Variants in DIDO1 observed in about 807,000 individuals in gnomAD.
DIDO1 encodes the protein death-inducer obliterator 1.
A neutral mutation model predicts 99.4 loss-of-function variants in DIDO1; 16 were observed. That is an observed-to-expected ratio of 0.16 (90% confidence interval 0.11 to 0.24). The LOEUF (loss-of-function observed/expected upper bound fraction) is 0.24, where lower values mean the gene tolerates loss of function less well. Ranked by LOEUF, DIDO1 falls within the 10% of genes least tolerant of loss-of-function variation. DIDO1 has a pLI of 1.00. For synonymous variants in DIDO1, 1,366 were observed against 1,239.1 expected, an observed-to-expected ratio of 1.10 and a Z score of -2.15; for missense variants, 2,996 against 3,014.0, an observed-to-expected ratio of 0.99 and a Z score of 0.14.
intron 1 of DIDO1, among the ~76,000 whole-genome samples, chr20:62,921,455 G>C (rs759862400): frequency 3.3e-5 from 5 of 152,094 alleles, no homozygotes; most frequent in Admixed American, 6.6e-5. Flanking sequence ...TACTGCTTTA[G>C]CATTCACTTT....
chr20:62,879,583 G>T lies in DIDO1; in HGVS notation c.6373C>A (p.Arg2125=). 1.2e-6 allele frequency: 2 copies of T among 1,602,720 alleles called. No individual in the cohort carries two copies. Among genetic ancestry groups the T allele is most frequent in the Non-Finnish European group, 1.7e-6 (2 of 1,179,532 alleles). Residue 2125 remains arginine (R), a synonymous_variant, in exon 16 of 16, where the codon CGA becomes AGA. Transcript: ENST00000395343. The surrounding 1 kb of genome is among the most constrained non-coding windows in gnomAD (Gnocchi z 6.3). Reference sequence around the variant, plus strand: ...CGGGGCCGGTCCCAGTCCCGCTCTCGGCTCCAGTTTCGGCCGCGCTCGCGC... The same window carrying T: ...CGGGGCCGGTCCCAGTCCCGCTCTCTGCTCCAGTTTCGGCCGCGCTCGCGC... ...RERERGRNWS[R]ERDWDRPREW... is the part of the protein sequence containing the mutation.
chr20:62,917,758 G>A (rs1380680713), intron 1 of DIDO1, among the ~76,000 whole-genome samples: 3 of 152,234 alleles, frequency 2.0e-5, no homozygotes, highest in Non-Finnish European at 4.4e-5. Context: ...TGGGAAAATT[G>A]GCATATTCTA....
At chr20:62,924,077 G>C (rs2065207762) in intron 1 of DIDO1, among the ~76,000 whole-genome samples, 1 of 152,196 alleles carries the variant, frequency 6.6e-6, no homozygotes, top group African/African-American at 2.4e-5. Flanking sequence ...TTTGTTCTTT[G>C]ACCTCCTCTT....
rs909763097 is a variant in DIDO1, at chr20:62,879,773, G to C, written c.6183C>G (p.Ala2061=). The C allele has an allele frequency of 3.1e-6, 5 of 1,611,452 alleles. No homozygotes were observed. The highest frequency in any genetic ancestry group is 1.7e-5 in the Admixed American group (1 of 60,002). The change falls in exon 16 of 16, where the codon GCC becomes GCG. Residue 2061 remains alanine, a synonymous_variant. Coordinates refer to ENST00000395343, the MANE Select transcript of DIDO1 (RefSeq NM_001193369.2). This position sits in a 1 kb window ranked among gnomAD's most constrained non-coding sequence, Gnocchi z 6.3. The part of the protein sequence containing the change: ...SSSAPGQGPE[A]DGQWASADFR... ...AGTCGGCCGATGCCCACTGTCCGTC[G>C]GCCTCGGGGCCCTGTCCGGGCGCAC...
Position 62,907,335 on chromosome 20 carries a change from T to C in DIDO1, c.1186A>G (p.Lys396Glu), listed in dbSNP as rs768092244. The C allele has an allele frequency of 6.2e-7, 1 of 1,614,160 alleles. No homozygotes were observed. Among genetic ancestry groups the C allele is most frequent in the East Asian group, 2.2e-5 (1 of 44,892 alleles). The change falls in exon 5 of 16, where the codon AAA (lysine) becomes GAA (glutamate). Residue 396 changes from lysine (K) to glutamate (E), a missense_variant. Lys to Glu is a moderately conservative substitution (Grantham distance 56). Coordinates refer to ENST00000395343, the MANE Select transcript of DIDO1 (RefSeq NM_001193369.2). ...TGACAGCACCCGGGGCCAATACATT[T>C]TGAGGCACCAGGCGCCTCTATCACC... ...QPVIEAPGAS[K>E]CIGPGCCHVA...
rs1347077259 is a variant in DIDO1 at position 62,879,444 on chromosome 20, C to T, written c.6512G>A (p.Arg2171His). ...TCGGTTCCTGCTCCGCTCCCGGCTG[C>T]GGTCCCACTCCTTGCCCCGGTCGGC... ...READRGKEWD[R>H]SRERSRNRER... The change falls in exon 16 of 16, where the codon CGC (arginine) becomes CAC (histidine). Residue 2171 changes from arginine (R) to histidine (H), a missense_variant. Physicochemically the swap from Arg to His is conservative, Grantham distance 29 (BLOSUM62 0). Around this residue, in one of 5 missense-constraint regions of DIDO1, gnomAD observed 1,562 missense variants for 1,412.6 expected, o/e 1.11. Coordinates refer to ENST00000395343, the MANE Select transcript of DIDO1 (RefSeq NM_001193369.2). This position sits in a 1 kb window ranked among gnomAD's most constrained non-coding sequence, Gnocchi z 6.3. The T allele has an allele frequency of 8.4e-6, 13 of 1,553,504 alleles. No homozygotes were observed. The Admixed American group carries it at 1.3e-4, about 16-fold the overall frequency.
chr20:62,929,693 G>GTATATATA (rs565069048), upstream of DIDO1, among the ~76,000 whole-genome samples: 567 of 97,868 alleles, frequency 5.8e-3, 84 homozygotes, highest in East Asian at 0.02. Context: ...AAAAGAAAAA[G>GTATATATA]TGTATATATA....
chr20:62,922,221 CACACACACACATATATATAT>C (rs2065167061), intron 1 of DIDO1, among the ~76,000 whole-genome samples: 1 of 88,170 alleles, frequency 1.1e-5, no homozygotes, highest in Non-Finnish European at 2.3e-5. Flanking sequence ...CATATATATA[CACACACACACATATATATAT>C]ATACACACAC....
intron 1 of DIDO1, among the ~76,000 whole-genome samples, chr20:62,923,911 T>C (rs180946490): frequency 2.6e-5 from 4 of 152,334 alleles, no homozygotes; most frequent in Admixed American, 2.6e-4. Context: ...ATGGACATGG[T>C]TACAGAATTC....
Position 62,878,077 on chromosome 20 carries a change from A to G in DIDO1, c.*1156T>C, listed in dbSNP as rs1216440527. ...TTAACTTAAAAAATCTGTGCTATAA[A>G]GTGAAAAATCTGTAGTGACGTACAA... On this transcript the variant is annotated 3_prime_UTR_variant, in exon 16 of 16. Coordinates refer to ENST00000395343, the MANE Select transcript of DIDO1 (RefSeq NM_001193369.2). The G allele has an allele frequency of 6.6e-6, 1 of 152,260 alleles. No individual in the cohort carries two copies. Among genetic ancestry groups the G allele is most frequent in the East Asian group, 1.9e-4 (1 of 5,202 alleles). The allele number at this position is 152,260 out of a possible 1,614,324, so 9.4% of individuals were successfully genotyped here. A position where few individuals can be genotyped will look rare whatever the true frequency, so the allele number is the denominator to read the frequency against.
At chr20:62,926,914 G>T (rs1467516841), upstream of DIDO1, among the ~76,000 whole-genome samples, 2 of 152,156 alleles carry the variant, frequency 1.3e-5, no homozygotes, top group East Asian at 3.9e-4. Context: ...AGGGGGGCGG[G>T]GACAGGGGAT....
At position 62,880,554 on chromosome 20, in the gene DIDO1, C is replaced by A; in HGVS notation, c.5402G>T (p.Gly1801Val). 1 of 1,613,032 alleles carries A rather than the reference C, an allele frequency of 6.2e-7. No homozygotes were observed. The highest frequency in any genetic ancestry group is 8.5e-7 in the Non-Finnish European group (1 of 1,180,010). Residue 1801 changes from glycine (G) to valine (V), a missense_variant, in exon 16 of 16, where the codon GGA becomes GTA. Physicochemically the swap from Gly to Val is moderately radical, Grantham distance 109. Transcript: ENST00000395343. Reference sequence around the variant, plus strand: ...GGAAGGGATGGGCCCCTTCTGGGCTCCGAATCTGGCTGGCGGAGGCCCTCG... The same window carrying A: ...GGAAGGGATGGGCCCCTTCTGGGCTACGAATCTGGCTGGCGGAGGCCCTCG... ...GPRGPPPARF[G>V]AQKGPIPSLF...
chr20:62,895,117 C>G lies in DIDO1; in HGVS notation c.2263G>C (p.Val755Leu). Residue 755 changes from valine to leucine, a missense_variant, in exon 9 of 16, where the codon GTG becomes CTG. Coordinates refer to ENST00000395343, the MANE Select transcript of DIDO1 (RefSeq NM_001193369.2). ...ACAAGTTCTTCTGGCTTCAGTCTCA[C>G]AAGTTTCGCCAAAGAGATTTCCTCA... ...LREEISLAKLVRLKPEELVSK... is the reference protein window; with the variant it reads ...LREEISLAKLLRLKPEELVSK... 6.2e-7 allele frequency: 1 copy of G among 1,612,136 alleles called. No homozygotes were observed. Among genetic ancestry groups the G allele is most frequent in the Non-Finnish European group, 8.5e-7 (1 of 1,178,340 alleles).
At chr20:62,926,771 C>A (rs1045230806), upstream of DIDO1, among the ~76,000 whole-genome samples, 3 of 152,224 alleles carry the variant, frequency 2.0e-5, no homozygotes, top group African/African-American at 7.2e-5. Context: ...CGGAACAGCC[C>A]GGGCAGGGCG....
At chr20:62,912,729 C>T (rs1425846561) in intron 2 of DIDO1, among the ~76,000 whole-genome samples, 2 of 152,148 alleles carry the variant, frequency 1.3e-5, no homozygotes, top group Non-Finnish European at 2.9e-5. Context: ...AAATGAAAGC[C>T]TTAAAAAATA....
At chr20:62,883,816 ACT>A (rs10560062) in intron 15 of DIDO1, among the ~76,000 whole-genome samples, 27,893 of 151,580 alleles carry the variant, frequency 0.18, 2,858 homozygotes, top group East Asian at 0.27. Context: ...ACAGAGTGAG[ACT>A]CTGTCTCAAA....
chr20:62,891,259 G>A, intron 14 of DIDO1, 104 bp from the exon 15 acceptor site: 5 of 1,526,110 alleles, frequency 3.3e-6, no homozygotes, highest in South Asian at 2.5e-5. Flanking sequence ...AGATCTCTCC[G>A]ACTCACAGCC....
chr20:62,897,792 C>T (rs1301640949), intron 6 of DIDO1, among the ~76,000 whole-genome samples: 5 of 152,210 alleles, frequency 3.3e-5, no homozygotes, highest in Admixed American at 3.3e-4. Flanking sequence ...AGCCCAAAGG[C>T]CCTCGAGCAG....
chr20:62,937,479 G>C (rs1268247867), intron 1 of DIDO1, among the ~76,000 whole-genome samples: 1 of 152,220 alleles, frequency 6.6e-6, no homozygotes, highest in Non-Finnish European at 1.5e-5. Context: ...GCCGCGTCCC[G>C]CCCTTCGGCG....
Sources: gnomAD v4.1 joint callset for allele counts (sites outside exome capture counted in the v4.1 genomes callset) on GRCh38, gnomAD v4.1.1 for gene constraint, gnomAD v4.1.1 regional missense constraint, Gnocchi (gnomAD v3.1) non-coding constraint, MANE v1.5 for transcripts, NCBI Gene and HGNC (gene_info 2026-07-23, HGNC 2026-07-21) for gene names.